The following UGT2A1 variants were observed in gnomAD, a reference collection of about 807,000 sequenced individuals.
UGT2A1 encodes UDP-glucuronosyltransferase 2A1.
Under a neutral mutation model 45.4 loss-of-function variants are expected in UGT2A1, and 61 were observed. The observed-to-expected ratio is 1.34, with a 90% CI of 1.09 to 1.66. UGT2A1 has a LOEUF of 1.66. Ranked by LOEUF, UGT2A1 falls within the 40% of genes most tolerant of loss-of-function variation. UGT2A1 has a pLI of 0.00. For synonymous variants in UGT2A1, 229 were observed against 196.2 expected (o/e 1.17, Z -1.40); for missense variants, 649 against 574.3 (o/e 1.13, Z -1.33).
Position 69,603,550 on chromosome 4 carries a change from G to C in UGT2A1, c.848-4156C>G, listed in dbSNP as rs1719421936. 2 of 136,936 alleles carry C rather than the reference G, an allele frequency of 1.5e-5. 1 individual carries two copies. Among genetic ancestry groups the C allele is most frequent in the Admixed American group, 1.4e-4 (2 of 13,920 alleles). 8.5% of individuals were successfully genotyped at this position (136,936 alleles called of 1,614,324 possible). A position where few individuals can be genotyped will look rare whatever the true frequency, so the allele number is the denominator to read the frequency against. ...GGAAAGCAGCTCCTCACACGCAACA[G>C]AACAAAACTGGACGGAGAATGACTT... On this transcript the variant is annotated intron_variant, in intron 3 of 6. Coordinates refer to ENST00000286604, the MANE Select transcript of UGT2A1 (RefSeq NM_001252275.3).
At chr4:69,589,759 T>G (rs1290198077) in intron 6 of UGT2A1, 108 bp from the exon 7 acceptor site, 1 of 1,447,994 alleles carries the variant, frequency 6.9e-7, no homozygotes, top group African/African-American at 1.4e-5. Flanking sequence ...CATAGTTACG[T>G]GGAGAAAATA....
intron 2 of UGT2A1, among the ~76,000 whole-genome samples, chr4:69,646,232 A>T (rs1722252943): frequency 6.6e-6 from 1 of 151,860 alleles, no homozygotes; most frequent in African/African-American, 2.4e-5. Flanking sequence ...GATAAAATTC[A>T]AAAGCATAAA....
intron 3 of UGT2A1, among the ~76,000 whole-genome samples, chr4:69,610,497 C>A (rs1281182862): frequency 6.6e-6 from 1 of 152,014 alleles, no homozygotes; most frequent in Non-Finnish European, 1.5e-5. Context: ...ATATTATGCA[C>A]CCTTTAAAAC....
intron 3 of UGT2A1, among the ~76,000 whole-genome samples, chr4:69,611,646 G>T (rs1720065874): frequency 6.6e-6 from 1 of 152,016 alleles, no homozygotes; most frequent in Admixed American, 6.6e-5. Flanking sequence ...TTAAAACTAT[G>T]GGATTATTTT....
intron 3 of UGT2A1, among the ~76,000 whole-genome samples, chr4:69,608,544 C>T (rs923551405): frequency 6.6e-6 from 1 of 150,660 alleles, no homozygotes; most frequent in Non-Finnish European, 1.5e-5. Flanking sequence ...TGTACATGTA[C>T]CCTAAAACTT....
intron 3 of UGT2A1, among the ~76,000 whole-genome samples, chr4:69,614,630 C>T (rs141706101): frequency 6.6e-6 from 1 of 151,886 alleles, no homozygotes; most frequent in African/African-American, 2.4e-5. Flanking sequence ...ACATATAGAC[C>T]AATGGAATAG....
chr4:69,614,421 T>A (rs1299358775), intron 3 of UGT2A1, among the ~76,000 whole-genome samples: 1 of 150,672 alleles, frequency 6.6e-6, no homozygotes, highest in Non-Finnish European at 1.5e-5. Flanking sequence ...TTCATTGCAA[T>A]CCCTATCAAA....
intron 1 of UGT2A1, among the ~76,000 whole-genome samples, chr4:69,652,553 G>T (rs948957170): frequency 2.0e-5 from 3 of 151,788 alleles, no homozygotes; most frequent in Admixed American, 2.0e-4. Flanking sequence ...TTACAGGGGT[G>T]AGCCACCGCG....
At chr4:69,639,674 CT>C in intron 2 of UGT2A1, 1 of 1,513,276 alleles carries the variant, frequency 6.6e-7, no homozygotes, top group South Asian at 1.4e-5. Flanking sequence ...AAAAAAAAAT[CT>C]TCAAAGTATA....
intron 3 of UGT2A1, among the ~76,000 whole-genome samples, chr4:69,621,215 T>C (rs960386397): frequency 4.6e-5 from 7 of 151,902 alleles, no homozygotes; most frequent in African/African-American, 1.7e-4. Context: ...ACAGACAATC[T>C]ACAGAATGAG....
chr4:69,607,702 T>A (rs1261768117), intron 3 of UGT2A1, among the ~76,000 whole-genome samples: 1 of 151,956 alleles, frequency 6.6e-6, no homozygotes, highest in African/African-American at 2.4e-5. Flanking sequence ...GAATCTACAA[T>A]GAACTCAAAC....
intron 3 of UGT2A1, among the ~76,000 whole-genome samples, chr4:69,622,452 T>G (rs1720807675): frequency 6.6e-6 from 1 of 151,796 alleles, no homozygotes; most frequent in African/African-American, 2.4e-5. Context: ...AAAAGAGAAC[T>G]GTATTTTTAT....
At chr4:69,593,281 C>T (rs1718691386) in intron 6 of UGT2A1, among the ~76,000 whole-genome samples, 1 of 151,490 alleles carries the variant, frequency 6.6e-6, no homozygotes, top group African/African-American at 2.4e-5. Context: ...AACACTGAGT[C>T]CCTTAAAATA....
Position 69,594,521 on chromosome 4 carries a change from A to G in UGT2A1, c.1260T>C (p.Ser420=). The G allele has an allele frequency of 6.8e-6, 11 of 1,614,120 alleles. No individual in the cohort carries two copies. Among genetic ancestry groups the G allele is most frequent in the African/African-American group, 1.3e-5 (1 of 75,030 alleles). Residue 420 remains serine (S), a synonymous_variant, in exon 6 of 7, where the codon AGT becomes AGC. Coordinates refer to ENST00000286604, the MANE Select transcript of UGT2A1 (RefSeq NM_001252275.3). ...TTCTCAAAGCGCTAAGCAAATCCAC[A>G]CTTGTCATTGTGTTTAGGTTCACTT... ...AVEVNLNTMT[S]VDLLSALRTV... is the part of the protein sequence containing the mutation.
intron 3 of UGT2A1, among the ~76,000 whole-genome samples, chr4:69,631,391 C>T (rs1432042177): frequency 6.6e-6 from 1 of 151,254 alleles, no homozygotes; most frequent in Non-Finnish European, 1.5e-5. Flanking sequence ...AATAATAATC[C>T]AAATGTTTAG....
rs1322744555 is a variant in UGT2A1, at chr4:69,603,298, G to GA, written c.848-3905dup. Among the ~76,000 whole-genome samples, 8 of 134,500 alleles carry GA rather than the reference G, an allele frequency of 5.9e-5. 2 individuals carry two copies. Among genetic ancestry groups the GA allele is most frequent in the African/African-American group, 9.1e-5 (3 of 33,074 alleles). The allele number at this position is 134,500 out of a possible 152,430, so 88.2% of individuals were successfully genotyped here. A position where few individuals can be genotyped will look rare whatever the true frequency, so the allele number is the denominator to read the frequency against. The stretch of plus-strand genomic sequence containing the variant: ...TATAAAGGAAAGCAGTTAAGATAGT[G>GA]AAAAAAAACAAAACCACTTATGTAA... On this transcript the variant is annotated intron_variant, in intron 3 of 6. Transcript: ENST00000286604.
At chr4:69,596,350 T>C (rs1718932100) in intron 4 of UGT2A1, 2 of 1,604,584 alleles carry the variant, frequency 1.2e-6, no homozygotes, top group Non-Finnish European at 1.7e-6. Flanking sequence ...AACACCATTT[T>C]TACCTGAGCT....
At chr4:69,638,135 G>C (rs1448638324) in intron 2 of UGT2A1, among the ~76,000 whole-genome samples, 1 of 152,126 alleles carries the variant, frequency 6.6e-6, no homozygotes, top group Non-Finnish European at 1.5e-5. Flanking sequence ...CTGTGAGAAA[G>C]TACCAGTGGT....
At chr4:69,601,702 A>C (rs779117624) in intron 3 of UGT2A1, among the ~76,000 whole-genome samples, 1 of 151,844 alleles carries the variant, frequency 6.6e-6, no homozygotes, top group Non-Finnish European at 1.5e-5. Context: ...CACAAAGTCT[A>C]TGTAACTCCC....
Sources: allele counts gnomAD v4.1 joint callset (sites outside exome capture counted in the v4.1 genomes callset), GRCh38; gene constraint gnomAD v4.1.1; transcripts MANE v1.5; gene names NCBI Gene and HGNC (gene_info 2026-07-23, HGNC 2026-07-21).